Variants in FLCN observed in about 807,000 individuals in gnomAD.
FLCN encodes the protein folliculin.
In FLCN, 22 loss-of-function variants were observed where a neutral mutation model predicts 62.5. The observed-to-expected ratio is 0.35, with a 90% CI of 0.25 to 0.50. FLCN has a LOEUF of 0.50. Ranked by LOEUF, FLCN falls within the 20% of genes least tolerant of loss-of-function variation. The pLI is 0.97. For synonymous variants in FLCN, 319 were observed against 310.0 expected (o/e 1.03, Z -0.30); for missense variants, 657 against 778.0 (o/e 0.84, Z 1.85).
intron 13 of FLCN, among the ~76,000 whole-genome samples, chr17:17,214,490 A>G: frequency 6.6e-6 from 1 of 152,144 alleles, no homozygotes. Context: ...GCTACTCCAG[A>G]GGCTGAGGCA....
intron 13 of FLCN, among the ~76,000 whole-genome samples, chr17:17,214,436 A>C (rs2046846261): frequency 6.6e-6 from 1 of 152,002 alleles, no homozygotes; most frequent in Non-Finnish European, 1.5e-5. Flanking sequence ...TCTACTAAAA[A>C]TACAAATATT....
intron 4 of FLCN, among the ~76,000 whole-genome samples, chr17:17,227,052 T>C (rs2047272000): frequency 6.6e-6 from 1 of 152,142 alleles, no homozygotes; most frequent in African/African-American, 2.4e-5. Context: ...TCTGAGGTGC[T>C]CCCCATCCCC....
At position 17,216,223 on chromosome 17, in the gene FLCN, G is replaced by GA. The variant is rs1019647874; in HGVS notation, c.1300+156dup. Among the ~76,000 whole-genome samples the GA allele has an allele frequency of 6.6e-6, 1 of 152,208 alleles. No individual in the cohort carries two copies. On this transcript the variant is annotated intron_variant, in intron 11 of 13. Coordinates refer to ENST00000285071, the MANE Select transcript of FLCN (RefSeq NM_144997.7). The surrounding 1 kb of genome is among the most constrained non-coding windows in gnomAD (Gnocchi z 4.0). Reference sequence around the variant, plus strand: ...TCCACTCACCCACCGCTACCTGTGTGAAGATAGAACACGGAGGCCCAGAGC... The same window carrying GA: ...TCCACTCACCCACCGCTACCTGTGTGAAAGATAGAACACGGAGGCCCAGAGC...
chr17:17,226,433 T>A lies in FLCN; in HGVS notation c.250-111A>T, dbSNP rs2047252673. The A allele has an allele frequency of 3.8e-6, 5 of 1,313,204 alleles. No homozygotes were observed. In the Admixed American group the frequency reaches 5.5e-5, roughly 14 times the overall value. The allele number at this position is 1,313,204 out of a possible 1,614,324, so 81.3% of individuals were successfully genotyped here. ...AACTCAAGCTATTTTTGTAAAAAAA[T>A]AATTGGCTTCCAGATTTATACTTAT... is the stretch of plus-strand genomic sequence containing the variant. On this transcript the variant is annotated intron_variant, in intron 4 of 13. Transcript: ENST00000285071.
At position 17,228,720 on chromosome 17, in the gene FLCN, C is replaced by G. The variant is rs545983207; in HGVS notation, c.-24-559G>C. The G allele has an allele frequency of 6.5e-5, 11 of 169,196 alleles. No homozygotes were observed. In the South Asian group the frequency reaches 1.6e-3, roughly 25 times the overall value. The allele number at this position is 169,196 out of a possible 1,614,324, so 10.5% of individuals were successfully genotyped here. ...GGAGGCAGGAGCCTGGAAGGACTGG[C>G]TTACGGGGCCAAGCAAGAGTTGAAG... On this transcript the variant is annotated intron_variant, in intron 3 of 13. Coordinates refer to ENST00000285071, the MANE Select transcript of FLCN (RefSeq NM_144997.7).
At chr17:17,215,337 T>C in intron 11 of FLCN, 21 bp from the exon 12 acceptor site, 4 of 1,613,536 alleles carry the variant, frequency 2.5e-6, no homozygotes, top group Non-Finnish European at 2.5e-6. Flanking sequence ...ACAAGGCCCG[T>C]GGCTCCTCAT....
Position 17,222,578 on chromosome 17 carries a change from G to A in FLCN, c.702C>T (p.Asn234=), listed in dbSNP as rs1471089893. The A allele has an allele frequency of 1.8e-5, 29 of 1,614,136 alleles. No homozygotes were observed. Among genetic ancestry groups the A allele is most frequent in the Middle Eastern group, 1.6e-4 (1 of 6,084 alleles). The change falls in exon 7 of 14, where the codon AAC becomes AAT. Residue 234 remains asparagine (N), a synonymous_variant. Transcript: ENST00000285071. ...ATGTCAGCGAGCGGGCGGCGTTGCC[G>A]TTCCTCTGGTGTAGGAATGGCGTGA... ...TAFTPFLHQR[N]GNAARSLTSL...
intron 3 of FLCN, chr17:17,229,106 T>C (rs1385282423): frequency 6.5e-6 from 1 of 152,862 alleles, no homozygotes; most frequent in African/African-American, 2.4e-5. Context: ...TGCGGAGCAG[T>C]GAGCAGGGGA....
intron 4 of FLCN, among the ~76,000 whole-genome samples, chr17:17,227,074 G>T (rs941616281): frequency 1.3e-5 from 2 of 152,194 alleles, no homozygotes; most frequent in Admixed American, 6.5e-5. Context: ...ATTCCTTACA[G>T]GCAATTCCAG....
chr17:17,215,613 T>A (rs141645438), intron 11 of FLCN, among the ~76,000 whole-genome samples: 1 of 152,364 alleles, frequency 6.6e-6, no homozygotes, highest in African/African-American at 2.4e-5. Context: ...GGTCTCACCA[T>A]GACCCTATTC....
chr17:17,219,278 C>A, intron 8 of FLCN, 69 bp from the exon 9 acceptor site: 2 of 1,448,218 alleles, frequency 1.4e-6, no homozygotes, highest in Non-Finnish European at 1.9e-6. Context: ...GCCCAAGATA[C>A]TTCATGGGCT....
intron 4 of FLCN, among the ~76,000 whole-genome samples, chr17:17,227,440 G>A (rs1161158647): frequency 1.3e-5 from 2 of 152,190 alleles, no homozygotes; most frequent in African/African-American, 4.8e-5. Flanking sequence ...TAGGCTGGGT[G>A]TGGTGGCTCA....
chr17:17,215,338 G>A, intron 11 of FLCN, 22 bp from the exon 12 acceptor site: 4 of 1,613,492 alleles, frequency 2.5e-6, no homozygotes, highest in Non-Finnish European at 3.4e-6. Context: ...CAAGGCCCGT[G>A]GCTCCTCATC....
intron 1 of FLCN, among the ~76,000 whole-genome samples, chr17:17,234,971 G>A (rs1208423885): frequency 6.6e-6 from 1 of 152,194 alleles, no homozygotes; most frequent in Non-Finnish European, 1.5e-5. Flanking sequence ...AATTAGCTGG[G>A]CATGGTGGCG....
chr17:17,217,307 C>G, intron 9 of FLCN, 125 bp from the exon 10 acceptor site: 1 of 748,230 alleles, frequency 1.3e-6, no homozygotes, highest in East Asian at 2.7e-5. Context: ...GAGAAAGACA[C>G]TTATCTTCTC....
chr17:17,214,207 T>C (rs963480194), intron 13 of FLCN, among the ~76,000 whole-genome samples: 2 of 152,166 alleles, frequency 1.3e-5, no homozygotes, highest in Non-Finnish European at 2.9e-5. Flanking sequence ...CACTGCATGA[T>C]TTTAAATCAG....
Position 17,221,589 on chromosome 17 carries a change from G to A in FLCN, c.819C>T (p.Leu273=), listed in dbSNP as rs749057444. 7.4e-6 allele frequency: 12 copies of A among 1,610,892 alleles called. No individual in the cohort carries two copies. The South Asian group carries it at 1.1e-4, about 15-fold the overall frequency. ...KACGSRLTEK[L]LEGAPTEDTL... is the part of the protein sequence containing the mutation. ...TATCCTCGGTCGGAGCACCTTCCAG[G>A]AGCTTCTCGGTCAGCCGGCTGCCAC... is the stretch of plus-strand genomic sequence containing the variant. The change falls in exon 8 of 14, where the codon CTC becomes CTT. Residue 273 remains leucine, a synonymous_variant. Transcript: ENST00000285071.
Position 17,222,646 on chromosome 17 carries a change from G to T in FLCN, c.634C>A (p.Gln212Lys), listed in dbSNP as rs558699420. The T allele has an allele frequency of 4.3e-6, 7 of 1,614,178 alleles. No individual in the cohort carries two copies. The African/African-American group carries it at 8.0e-5, about 18-fold the overall frequency. Residue 212 changes from glutamine (Q) to lysine (K), a missense_variant, in exon 7 of 14, where the codon CAG (glutamine) becomes AAG (lysine). Transcript: ENST00000285071. ...TGAGCACGCTGTGGGCATCCAAACT[G>T]CTCTGCCTCAAACACCTGAAATGCA... is the stretch of plus-strand genomic sequence containing the variant. ...GKALKVFEAE[Q>K]FGCPQRAQRM...
At position 17,215,305 on chromosome 17, in the gene FLCN, T is replaced by A. The variant is rs759743111; in HGVS notation, c.1312A>T (p.Ile438Phe). 6.2e-7 allele frequency: 1 copy of A among 1,614,016 alleles called. No homozygotes were observed. The highest frequency in any genetic ancestry group is 8.5e-7 in the Non-Finnish European group (1 of 1,180,022). ...CGTGCGGCTGCGTGGACCTCCACGA[T>A]GACAGCAAACTCTGTAACAACACAA... Reference protein sequence around the residue: ...PHVLSSEFAVIVEVHAAARST... With the variant: ...PHVLSSEFAVFVEVHAAARST... The change falls in exon 12 of 14, where the codon ATC becomes TTC. Residue 438 changes from isoleucine (I) to phenylalanine (F), a missense_variant. Transcript: ENST00000285071.
Sources: gnomAD v4.1 joint callset for allele counts (sites outside exome capture counted in the v4.1 genomes callset) on GRCh38, gnomAD v4.1.1 for gene constraint, Gnocchi (gnomAD v3.1) non-coding constraint, MANE v1.5 for transcripts, NCBI Gene and HGNC (gene_info 2026-07-23, HGNC 2026-07-21) for gene names.